DPH6: variants seen among roughly 807,000 people sequenced by gnomAD.
DPH6 encodes the protein diphthine--ammonia ligase.
DPH6 carries 33 observed loss-of-function variants against 38.2 expected under a neutral mutation model. That is an observed-to-expected ratio of 0.86 (90% CI 0.65 to 1.15). DPH6 has a LOEUF of 1.15. DPH6 is among the 50% of genes most tolerant of loss of function. The pLI is 0.00. For synonymous variants in DPH6, 108 were observed against 103.0 expected (o/e 1.05, Z -0.30); for missense variants, 325 against 320.0 (o/e 1.02, Z -0.12).
chr15:35,436,178 T>G (rs918307298), intron 5 of DPH6, among the ~76,000 whole-genome samples: 2 of 151,992 alleles, frequency 1.3e-5, no homozygotes, highest in African/African-American at 4.8e-5. Flanking sequence ...ATTGAAAGCT[T>G]CTTTCCTGCT....
intron 3 of DPH6, among the ~76,000 whole-genome samples, chr15:35,312,123 G>A (rs1338987521): frequency 6.6e-6 from 1 of 151,462 alleles, no homozygotes; most frequent in Non-Finnish European, 1.5e-5. Context: ...GCTGAGATAA[G>A]GAAAGCTACT....
intron 6 of DPH6, among the ~76,000 whole-genome samples, chr15:35,405,844 G>A (rs1566897922): frequency 1.3e-5 from 2 of 151,926 alleles, no homozygotes; most frequent in South Asian, 4.1e-4. Flanking sequence ...TGTCATATAA[G>A]GCTTTTATTA....
chr15:35,376,861 G>C (rs891479336), intron 7 of DPH6, among the ~76,000 whole-genome samples: 2 of 152,086 alleles, frequency 1.3e-5, no homozygotes, highest in Non-Finnish European at 2.9e-5. Flanking sequence ...ATCTATATTT[G>C]TATAAGTATA....
chr15:35,305,932 T>C (rs547904577), intron 3 of DPH6, among the ~76,000 whole-genome samples: 1 of 152,354 alleles, frequency 6.6e-6, no homozygotes, highest in East Asian at 1.9e-4. Context: ...TTTTAACATC[T>C]GTGCACTTTG....
chr15:35,387,363 T>C (rs2052979737), intron 6 of DPH6, among the ~76,000 whole-genome samples: 1 of 152,246 alleles, frequency 6.6e-6, no homozygotes, highest in Non-Finnish European at 1.5e-5. Context: ...AAGTAGTTTT[T>C]TCCAATTCTG....
the DPH6 span, among the ~76,000 whole-genome samples, chr15:35,173,561 T>TTC: frequency 6.6e-6 from 1 of 151,782 alleles, no homozygotes. Context: ...CCTTTTTTTT[T>TTC]CAAGCTCCTG....
At chr15:35,428,949 A>G (rs2053600840) in intron 5 of DPH6, among the ~76,000 whole-genome samples, 1 of 152,192 alleles carries the variant, frequency 6.6e-6, no homozygotes, top group African/African-American at 2.4e-5. Flanking sequence ...AACATAAAAA[A>G]GAAAATTTAA....
At chr15:35,221,728 G>A (rs912681268) in intron 3 of DPH6, among the ~76,000 whole-genome samples, 3 of 152,158 alleles carry the variant, frequency 2.0e-5, no homozygotes, top group African/African-American at 4.8e-5. Flanking sequence ...TGGCTACCCC[G>A]TTGGTATTCT....
intron 3 of DPH6, among the ~76,000 whole-genome samples, chr15:35,511,182 T>C (rs2054764852): frequency 6.6e-6 from 1 of 152,176 alleles, no homozygotes; most frequent in South Asian, 2.1e-4. Flanking sequence ...TAAGACTTTC[T>C]AATCTAAGAG....
At chr15:35,521,604 C>T (rs2054923777) in intron 3 of DPH6, 1 of 1,228,738 alleles carries the variant, frequency 8.1e-7, no homozygotes, top group East Asian at 3.2e-5. Flanking sequence ...TTTCATCTAC[C>T]ACAGGATGAC....
rs78839105 is a variant in DPH6, at chr15:35,352,123, G to T, written n.208-21046C>A. ...AATTTATGTAAGTATTAAATGTTAA[G>T]GTGCATGATTACAGTATTACAATTT... is the stretch of plus-strand genomic sequence containing the variant. On this transcript the variant is annotated intron_variant and non_coding_transcript_variant, in intron 3 of 3. Transcript: ENST00000558973. Among the ~76,000 whole-genome samples, 83 of 152,132 alleles carry T rather than the reference G, an allele frequency of 5.5e-4. No homozygotes were observed. In the East Asian group the frequency reaches 0.012, roughly 23 times the overall value.
intron 3 of DPH6, among the ~76,000 whole-genome samples, chr15:35,523,330 T>G (rs1171048349): frequency 6.6e-6 from 1 of 150,818 alleles, no homozygotes; most frequent in Non-Finnish European, 1.5e-5. Context: ...TTTGGAGACA[T>G]GCTTTTTATA....
At chr15:35,195,457 G>A in the DPH6 span, among the ~76,000 whole-genome samples, 1 of 152,094 alleles carries the variant, frequency 6.6e-6, no homozygotes, top group Admixed American at 6.6e-5. Context: ...AGATACCAGA[G>A]GTCTTGCAAG....
At chr15:35,256,954 A>C (rs887752622) in intron 3 of DPH6, among the ~76,000 whole-genome samples, 2 of 152,200 alleles carry the variant, frequency 1.3e-5, no homozygotes, top group Admixed American at 6.5e-5. Context: ...AAGAAGACTA[A>C]AAAGAGTCTG....
chr15:35,230,857 G>A (rs1032939044), intron 3 of DPH6, among the ~76,000 whole-genome samples: 1 of 152,198 alleles, frequency 6.6e-6, no homozygotes, highest in Non-Finnish European at 1.5e-5. Context: ...CTATCCTGCT[G>A]TGGCTGAGCT....
chr15:35,478,819 A>C (rs115788822), intron 3 of DPH6, among the ~76,000 whole-genome samples: 258 of 152,126 alleles, frequency 1.7e-3, no homozygotes, highest in African/African-American at 6.0e-3. Context: ...AAGCTCCTAC[A>C]ATTATTAGAT....
chr15:35,450,171 T>C (rs2053913914), intron 5 of DPH6, among the ~76,000 whole-genome samples: 1 of 152,134 alleles, frequency 6.6e-6, no homozygotes, highest in African/African-American at 2.4e-5. Flanking sequence ...TTCTCAAACA[T>C]GATTTTCTCA....
At chr15:35,193,897 G>A in the DPH6 span, among the ~76,000 whole-genome samples, 1 of 152,130 alleles carries the variant, frequency 6.6e-6, no homozygotes, top group Admixed American at 6.6e-5. Context: ...CCCACCAAGG[G>A]GGAAAAGGAA....
At chr15:35,324,178 T>C (rs1184335561) in intron 3 of DPH6, among the ~76,000 whole-genome samples, 1 of 152,186 alleles carries the variant, frequency 6.6e-6, no homozygotes, top group Non-Finnish European at 1.5e-5. Context: ...GTGCCCAGCA[T>C]ATGGTAGACA....
Sources: gnomAD v4.1 joint callset for allele counts (sites outside exome capture counted in the v4.1 genomes callset) on GRCh38, gnomAD v4.1.1 for gene constraint, MANE v1.5 for transcripts, NCBI Gene and HGNC (gene_info 2026-07-23, HGNC 2026-07-21) for gene names.